NBEAL1: variants seen among roughly 807,000 people sequenced by gnomAD.
The protein encoded by NBEAL1 is neurobeachin-like protein 1.
NBEAL1 carries 273 observed loss-of-function variants against 351.3 expected under a neutral mutation model. The observed-to-expected ratio is 0.78, with a 90% confidence interval of 0.70 to 0.86. The LOEUF is 0.86. Ranked by LOEUF, NBEAL1 falls within the 40% of genes least tolerant of loss-of-function variation. NBEAL1 has a pLI of 0.00. For synonymous variants in NBEAL1, 1,050 were observed against 1,086.4 expected, an observed-to-expected ratio of 0.97 and a Z score of 0.66; for missense variants, 2,961 against 3,201.3, an observed-to-expected ratio of 0.92 and a Z score of 1.81.
Position 203,113,311 on chromosome 2 carries a change from T to C in NBEAL1, c.2499T>C (p.Tyr833=). The change falls in exon 17 of 56, where the codon TAT becomes TAC. Residue 833 remains tyrosine, a synonymous_variant. Transcript: ENST00000683969. The part of the protein sequence containing the change: ...PLQPPQVKAL[Y]LAGPNCLSPW... ...AACCTCCTCAGGTGAAGGCATTATA[T>C]TTAGCAGGTAAGCATGTACAGTCAT... The C allele has an allele frequency of 7.1e-7, 1 of 1,399,788 alleles. No individual in the cohort carries two copies. Among genetic ancestry groups the C allele is most frequent in the Non-Finnish European group, 9.3e-7 (1 of 1,073,792 alleles). 86.7% of individuals were successfully genotyped at this position (1,399,788 alleles called of 1,614,324 possible).
At chr2:203,129,027 G>A (rs1488615448) in intron 24 of NBEAL1, among the ~76,000 whole-genome samples, 2 of 152,096 alleles carry the variant, frequency 1.3e-5, no homozygotes, top group African/African-American at 4.8e-5. Context: ...GGTTCTCTTT[G>A]TTTGGCCCCT....
At chr2:203,206,831 C>T (rs1416508792) in intron 51 of NBEAL1, among the ~76,000 whole-genome samples, 6 of 151,060 alleles carry the variant, frequency 4.0e-5, no homozygotes, top group South Asian at 2.1e-4. Context: ...AGCCTCTGCC[C>T]GGCCGCCACC....
intron 15 of NBEAL1, 109 bp downstream of exon 15, chr2:203,110,391 C>A: frequency 1.6e-6 from 2 of 1,235,788 alleles, no homozygotes; most frequent in Non-Finnish European, 1.1e-6. Context: ...TTAAATGAGG[C>A]TGGGCGCAGT....
intron 36 of NBEAL1, among the ~76,000 whole-genome samples, chr2:203,159,731 T>C (rs2063895683): frequency 6.6e-6 from 1 of 152,180 alleles, no homozygotes; most frequent in African/African-American, 2.4e-5. Context: ...CATAAGTTTT[T>C]TGTTGTCTTG....
chr2:203,199,471 A>G (rs371286444), intron 49 of NBEAL1, 24 bp downstream of exon 49: 1 of 1,197,756 alleles, frequency 8.3e-7, no homozygotes. Context: ...TATGTAAAGC[A>G]AAATAGCTAT....
intron 3 of NBEAL1, among the ~76,000 whole-genome samples, chr2:203,043,774 A>T (rs186692394): frequency 6.6e-6 from 1 of 151,058 alleles, no homozygotes; most frequent in African/African-American, 2.4e-5. Context: ...GGAGGAATGG[A>T]TGGTGGTTGA....
At chr2:203,101,864 G>A (rs2062333377) in intron 12 of NBEAL1, among the ~76,000 whole-genome samples, 1 of 152,196 alleles carries the variant, frequency 6.6e-6, no homozygotes, top group Non-Finnish European at 1.5e-5. Flanking sequence ...CTAAAGTGCT[G>A]GGATTACAGG....
chr2:203,188,634 C>A, intron 45 of NBEAL1, 45 bp downstream of exon 45: 4 of 1,117,056 alleles, frequency 3.6e-6, no homozygotes, highest in South Asian at 2.9e-5. Flanking sequence ...TTGATAGAAA[C>A]TGTTGTTTAA....
At chr2:203,202,224 A>G (rs2065419664) in intron 50 of NBEAL1, among the ~76,000 whole-genome samples, 2 of 152,184 alleles carry the variant, frequency 1.3e-5, no homozygotes, top group African/African-American at 4.8e-5. Flanking sequence ...GTCAATCCTA[A>G]GATAACACTT....
At chr2:203,196,296 C>T (rs751612639) in intron 47 of NBEAL1, among the ~76,000 whole-genome samples, 1 of 152,228 alleles carries the variant, frequency 6.6e-6, no homozygotes, top group Non-Finnish European at 1.5e-5. Context: ...CTCCAGGACA[C>T]ATTCAGTATC....
chr2:203,101,760 A>AT (rs1271228505), intron 12 of NBEAL1, among the ~76,000 whole-genome samples: 3 of 151,924 alleles, frequency 2.0e-5, no homozygotes, highest in Non-Finnish European at 4.4e-5. Context: ...TGCTTGGCTA[A>AT]TTTTTTTGTA....
chr2:203,097,497 G>C, intron 10 of NBEAL1, 50 bp from the exon 11 acceptor site: 1 of 775,278 alleles, frequency 1.3e-6, no homozygotes. Flanking sequence ...CTGCTTATAG[G>C]TAACAATTTA....
Position 203,167,275 on chromosome 2 carries a change from A to G in NBEAL1, c.5912A>G (p.His1971Arg). ...KWPHSQIREI[H>R]LRRYNLRRSA... Reference sequence around the variant, plus strand: ...CCTCATTCTCAAATTCGAGAGATTCATCTCCGGCGTTACAATTTAAGAAGA... The same window carrying G: ...CCTCATTCTCAAATTCGAGAGATTCGTCTCCGGCGTTACAATTTAAGAAGA... Residue 1971 changes from histidine (H) to arginine (R), a missense_variant, in exon 38 of 56, where the codon CAT becomes CGT. His to Arg is a conservative substitution (Grantham distance 29). Transcript: ENST00000683969. 1.2e-6 allele frequency: 2 copies of G among 1,612,336 alleles called. No homozygotes were observed. Among genetic ancestry groups the G allele is most frequent in the Non-Finnish European group, 1.7e-6 (2 of 1,179,316 alleles).
chr2:203,077,437 G>A (rs1415759680), intron 7 of NBEAL1, among the ~76,000 whole-genome samples: 1 of 152,136 alleles, frequency 6.6e-6, no homozygotes, highest in Admixed American at 6.5e-5. Flanking sequence ...AGCCCTGTCA[G>A]TTAGTAACCA....
Position 203,157,801 on chromosome 2 carries a change from A to T in NBEAL1, c.5690A>T (p.Glu1897Val), listed in dbSNP as rs768206537. The change falls in exon 36 of 56, where the codon GAG becomes GTG. Residue 1897 changes from glutamate to valine, a missense_variant. Physicochemically the swap from Glu to Val is moderately radical, Grantham distance 121. Transcript: ENST00000683969. The part of the protein sequence containing the change: ...MVEDKLDLPE[E>V]DITARVNVDE... ...GAGGATAAATTAGACCTTCCTGAAG[A>T]GGATATAACAGCTAGAGTAAATGTG... 1.1e-5 allele frequency: 17 copies of T among 1,572,864 alleles called. No homozygotes were observed. The highest frequency in any genetic ancestry group is 1.4e-5 in the Non-Finnish European group (16 of 1,162,344).
rs764031139 is a variant in NBEAL1 at position 203,125,363 on chromosome 2, C to T, written c.2694C>T (p.Asn898=). Residue 898 remains asparagine, a synonymous_variant, in exon 20 of 56, where the codon AAC becomes AAT. Coordinates refer to ENST00000683969, the MANE Select transcript of NBEAL1 (RefSeq NM_001378026.1). ...VVNWDIKDII[N]CIGGLNVLFP... ...AATTTTCCCTTTAGGATATCATAAACTGCATAGGTGGGTTAAATGTACTCT... is the reference window on the plus strand; with the variant it reads ...AATTTTCCCTTTAGGATATCATAAATTGCATAGGTGGGTTAAATGTACTCT... 4.0e-6 allele frequency: 6 copies of T among 1,516,810 alleles called. No homozygotes were observed. The South Asian group carries it at 7.8e-5, about 20-fold the overall frequency. 94.0% of individuals were successfully genotyped at this position (1,516,810 alleles called of 1,614,324 possible). A position where few individuals can be genotyped will look rare whatever the true frequency, so the allele number is the denominator to read the frequency against.
intron 15 of NBEAL1, among the ~76,000 whole-genome samples, chr2:203,110,846 A>C (rs1374418528): frequency 1.4e-5 from 2 of 145,472 alleles, no homozygotes; most frequent in African/African-American, 5.1e-5. Flanking sequence ...ACTCACTGCA[A>C]CCTCTGCCTC....
intron 44 of NBEAL1, among the ~76,000 whole-genome samples, chr2:203,187,931 A>G (rs919518878): frequency 6.6e-6 from 1 of 152,064 alleles, no homozygotes; most frequent in Non-Finnish European, 1.5e-5. Context: ...TCCTGTCTCT[A>G]ATAACAATTT....
intron 8 of NBEAL1, among the ~76,000 whole-genome samples, chr2:203,079,404 A>G (rs1405451263): frequency 6.6e-6 from 1 of 152,190 alleles, no homozygotes; most frequent in Admixed American, 6.5e-5. Context: ...AGTATTATTT[A>G]TACTACTGTT....
Sources: gnomAD v4.1 joint callset for allele counts (sites outside exome capture counted in the v4.1 genomes callset) on GRCh38, gnomAD v4.1.1 for gene constraint, MANE v1.5 for transcripts, NCBI Gene and HGNC (gene_info 2026-07-23, HGNC 2026-07-21) for gene names.